The following HS3ST3A1 variants were observed in gnomAD, a reference collection of about 807,000 sequenced individuals.
HS3ST3A1 encodes heparan sulfate-glucosamine 3-sulfotransferase 3A1.
Under a neutral mutation model 25.7 loss-of-function variants are expected in HS3ST3A1, and 19 were observed. The observed-to-expected ratio is 0.74, with a 90% CI of 0.52 to 1.08. The LOEUF is 1.08. HS3ST3A1 is among the 50% of genes least tolerant of loss of function. The pLI, the probability that HS3ST3A1 is intolerant of heterozygous loss-of-function variation, is 0.00. For missense variants in HS3ST3A1, 459 were observed against 594.3 expected (o/e 0.77, Z 2.37); for synonymous variants, 226 against 278.6 (o/e 0.81, Z 1.88).
chr17:13,582,030 C>G (rs1228581597), intron 1 of HS3ST3A1, among the ~76,000 whole-genome samples: 1 of 152,076 alleles, frequency 6.6e-6, no homozygotes, highest in East Asian at 1.9e-4. Context: ...ATTACCTTGA[C>G]TTAAGCAAAC....
chr17:13,594,745 A>G (rs1372940298), intron 1 of HS3ST3A1, among the ~76,000 whole-genome samples: 1 of 152,170 alleles, frequency 6.6e-6, no homozygotes, highest in African/African-American at 2.4e-5. Context: ...TTCCCTGCCT[A>G]AAAGAAGTGA....
intron 1 of HS3ST3A1, among the ~76,000 whole-genome samples, chr17:13,503,505 A>G (rs968901851): frequency 2.0e-5 from 3 of 152,236 alleles, no homozygotes; most frequent in African/African-American, 7.2e-5. Context: ...TTTAATTATT[A>G]CATTGTATAT....
At chr17:13,515,501 A>G (rs1419553880) in intron 1 of HS3ST3A1, among the ~76,000 whole-genome samples, 1 of 129,602 alleles carries the variant, frequency 7.7e-6, no homozygotes, top group Non-Finnish European at 1.6e-5. Flanking sequence ...TTTGCTGAAT[A>G]GTATTCTATT....
chr17:13,517,893 C>T (rs1331364902), intron 1 of HS3ST3A1, among the ~76,000 whole-genome samples: 1 of 152,166 alleles, frequency 6.6e-6, no homozygotes, highest in Admixed American at 6.5e-5. Context: ...ATCCATTGGC[C>T]TCGGCCTCCC....
chr17:13,596,411 G>A (rs924938398), intron 1 of HS3ST3A1, among the ~76,000 whole-genome samples: 5 of 70,858 alleles, frequency 7.1e-5, no homozygotes, highest in East Asian at 4.3e-4. Context: ...GAGGGTGTGC[G>A]CGTGCGTACA....
intron 1 of HS3ST3A1, among the ~76,000 whole-genome samples, chr17:13,499,589 G>C (rs1211423634): frequency 6.6e-6 from 1 of 151,848 alleles, no homozygotes; most frequent in Non-Finnish European, 1.5e-5. Context: ...GGCCTGTTGG[G>C]GAAGGGGCTG....
chr17:13,571,258 CTG>C (rs1300828598), intron 1 of HS3ST3A1, among the ~76,000 whole-genome samples: 1 of 152,140 alleles, frequency 6.6e-6, no homozygotes, highest in African/African-American at 2.4e-5. Flanking sequence ...CCGAAATACT[CTG>C]TGTGACGGCA....
Position 13,600,721 on chromosome 17 carries a change from G to T in HS3ST3A1, c.409C>A (p.Pro137Thr). The change falls in exon 1 of 2, where the codon CCG (proline) becomes ACG (threonine). Residue 137 changes from proline (P) to threonine (T), a missense_variant. Around this residue, in one of 3 missense-constraint regions of HS3ST3A1, gnomAD observed 346 missense variants for 303.9 expected, o/e 1.14. Transcript: ENST00000284110. ...AGGAGCAGCGCCAGGGTCCCCGGCGGGGCCTCGGCCACGGTGCTTCCGGCC... is the reference window on the plus strand; with the variant it reads ...AGGAGCAGCGCCAGGGTCCCCGGCGTGGCCTCGGCCACGGTGCTTCCGGCC... ...SGAGSTVAEA[P>T]PGTLALLLDE... 1 of 1,549,816 alleles carries T rather than the reference G, an allele frequency of 6.5e-7. No individual in the cohort carries two copies.
intron 1 of HS3ST3A1, among the ~76,000 whole-genome samples, chr17:13,524,108 A>C (rs1906335462): frequency 6.6e-6 from 1 of 152,094 alleles, no homozygotes; most frequent in South Asian, 2.1e-4. Flanking sequence ...TGATTTTATT[A>C]ATTTTATTTT....
intron 1 of HS3ST3A1, among the ~76,000 whole-genome samples, chr17:13,580,703 C>T (rs1908088172): frequency 6.6e-6 from 1 of 152,016 alleles, no homozygotes; most frequent in African/African-American, 2.4e-5. Context: ...ATCAGCCTGA[C>T]CAACATGGAG....
At chr17:13,551,083 T>A (rs868428119) in intron 1 of HS3ST3A1, among the ~76,000 whole-genome samples, 1,540 of 83,320 alleles carry the variant, frequency 0.018, 35 homozygotes, top group African/African-American at 0.067. Context: ...AAAAAAAAAA[T>A]GAAATCAATT....
At chr17:13,598,189 C>G (rs1193945983) in intron 1 of HS3ST3A1, among the ~76,000 whole-genome samples, 1 of 152,078 alleles carries the variant, frequency 6.6e-6, no homozygotes, top group Non-Finnish European at 1.5e-5. Context: ...CTAACTGAAT[C>G]CCCTGTTCTA....
chr17:13,538,157 C>T (rs1253499225), intron 1 of HS3ST3A1, among the ~76,000 whole-genome samples: 1 of 152,208 alleles, frequency 6.6e-6, no homozygotes, highest in Non-Finnish European at 1.5e-5. Flanking sequence ...TGTCTTACTA[C>T]TTAATGGTTA....
chr17:13,505,894 C>T (rs1001267533), intron 1 of HS3ST3A1, among the ~76,000 whole-genome samples: 6 of 151,854 alleles, frequency 4.0e-5, no homozygotes, highest in South Asian at 2.1e-4. Context: ...TGTGGTGGCG[C>T]GTGCCTGTAA....
chr17:13,523,904 C>G (rs1259528272), intron 1 of HS3ST3A1, among the ~76,000 whole-genome samples: 1 of 151,976 alleles, frequency 6.6e-6, no homozygotes, highest in Non-Finnish European at 1.5e-5. Flanking sequence ...GGCATGAATG[C>G]TTATTTACCC....
At chr17:13,513,723 A>G (rs137999954) in intron 1 of HS3ST3A1, among the ~76,000 whole-genome samples, 87 of 152,300 alleles carry the variant, frequency 5.7e-4, no homozygotes, top group Non-Finnish European at 1.2e-4. Flanking sequence ...GAAATGCCAT[A>G]AAGTGTTTAG....
rs1907572020 is a variant in HS3ST3A1 at position 13,562,371 on chromosome 17, C to T, written c.599+38160G>A. ...CAGACAGCCTCGTCTATTCTGCGAA[C>T]ATTTCACATCCTGTCACCAGTGTGG... On this transcript the variant is annotated intron_variant, in intron 1 of 1. Coordinates refer to ENST00000284110, the MANE Select transcript of HS3ST3A1 (RefSeq NM_006042.3). 5.9e-5 allele frequency among the ~76,000 whole-genome samples: 9 copies of T among 152,132 alleles called. No homozygotes were observed. The South Asian group carries it at 1.7e-3, about 28-fold the overall frequency.
intron 1 of HS3ST3A1, among the ~76,000 whole-genome samples, chr17:13,570,447 T>G (rs557867033): frequency 6.6e-6 from 1 of 152,344 alleles, no homozygotes; most frequent in South Asian, 2.1e-4. Flanking sequence ...TCATCCATAA[T>G]TCCAGCATTG....
chr17:13,556,065 C>G (rs1222093023), intron 1 of HS3ST3A1: 2 of 152,148 alleles, frequency 1.3e-5, no homozygotes, highest in East Asian at 3.9e-4. Context: ...AGGGTGGCAT[C>G]CACATTCAGC....
Sources: gnomAD v4.1 joint callset for allele counts (sites outside exome capture counted in the v4.1 genomes callset) on GRCh38, gnomAD v4.1.1 for gene constraint, gnomAD v4.1.1 regional missense constraint, MANE v1.5 for transcripts, NCBI Gene and HGNC (gene_info 2026-07-23, HGNC 2026-07-21) for gene names.